Variants in SHANK2 observed in about 807,000 individuals in gnomAD.
SHANK2 encodes the protein SH3 and multiple ankyrin repeat domains 2.
In SHANK2, 43 loss-of-function variants were observed where a neutral mutation model predicts 133.7. The ratio of observed to expected loss-of-function variants is 0.32; its 90% CI spans 0.25 to 0.41. SHANK2 has a LOEUF of 0.41. SHANK2 is among the 10% of genes least tolerant of loss of function. The probability of loss-of-function intolerance (pLI) is 1.00; values close to 1 mark genes in which losing one functional copy is unlikely to be tolerated. For synonymous variants in SHANK2, 1,017 were observed against 952.8 expected (o/e 1.07, Z -1.24); for missense variants, 1,994 against 2,235.8 (o/e 0.89, Z 2.18).
intron 2 of SHANK2, among the ~76,000 whole-genome samples, chr11:71,152,478 G>A (rs1306429802): frequency 6.6e-6 from 1 of 152,196 alleles, no homozygotes; most frequent in Non-Finnish European, 1.5e-5. Flanking sequence ...AGCTGGACCT[G>A]AGTCCAGGAA....
chr11:71,203,955 C>T (rs554834908), intron 2 of SHANK2, among the ~76,000 whole-genome samples: 5 of 152,182 alleles, frequency 3.3e-5, no homozygotes, highest in East Asian at 1.9e-4. Context: ...ACACGGAAAG[C>T]GGGCGCCTGG....
intron 2 of SHANK2, among the ~76,000 whole-genome samples, chr11:71,178,582 T>C (rs1390621110): frequency 6.6e-6 from 1 of 152,226 alleles, no homozygotes; most frequent in African/African-American, 2.4e-5. Context: ...ATGATAGATA[T>C]TATGCTATGC....
chr11:70,678,149 T>C (rs1944941359), intron 15 of SHANK2, among the ~76,000 whole-genome samples: 1 of 152,200 alleles, frequency 6.6e-6, no homozygotes, highest in African/African-American at 2.4e-5. Flanking sequence ...TGTTGTGTTG[T>C]TGTTTGTTTG....
chr11:70,662,100 G>A, intron 15 of SHANK2: 1 of 430,514 alleles, frequency 2.3e-6, no homozygotes, highest in Non-Finnish European at 4.3e-6. Context: ...CCTCCGGCTT[G>A]TCCCGACCAC....
chr11:70,497,035 G>A, intron 21 of SHANK2: 1 of 456,680 alleles, frequency 2.2e-6, no homozygotes, highest in Non-Finnish European at 4.4e-6. Context: ...TTGAACTAGA[G>A]CATGTGAGAG....
At chr11:70,553,215 G>C (rs1361782620) in intron 17 of SHANK2, among the ~76,000 whole-genome samples, 1 of 151,948 alleles carries the variant, frequency 6.6e-6, no homozygotes, top group Non-Finnish European at 1.5e-5. Context: ...TCAGCCTCCT[G>C]AGTAGCTGGG....
At position 70,500,462 on chromosome 11, in the gene SHANK2, A is replaced by C; in HGVS notation, c.2308+108T>G. The C allele has an allele frequency of 6.7e-7, 1 of 1,482,032 alleles. No homozygotes were observed. The highest frequency in any genetic ancestry group is 9.2e-7 in the Non-Finnish European group (1 of 1,084,286). 91.8% of individuals were successfully genotyped at this position (1,482,032 alleles called of 1,614,324 possible). A position where few individuals can be genotyped will look rare whatever the true frequency, so the allele number is the denominator to read the frequency against. ...CGGGCAGGACCCAGCAGGAGAAGCCAACAAGGCTTTGCGACACATTTGAGA... is the reference window on the plus strand; with the variant it reads ...CGGGCAGGACCCAGCAGGAGAAGCCCACAAGGCTTTGCGACACATTTGAGA... On this transcript the variant is annotated intron_variant, in intron 21 of 25. Transcript: ENST00000601538. The surrounding 1 kb of genome is among the most constrained non-coding windows in gnomAD (Gnocchi z 4.5).
intron 14 of SHANK2, among the ~76,000 whole-genome samples, chr11:70,793,530 T>G (rs542552144): frequency 7.2e-5 from 11 of 152,258 alleles, no homozygotes; most frequent in African/African-American, 1.9e-4. Context: ...CCATTAAAAA[T>G]GAACCAAAGA....
rs1210176358 is a variant in SHANK2, at chr11:71,146,174, G to T, written c.207+946C>A. Among the ~76,000 whole-genome samples the T allele has an allele frequency of 1.2e-4, 19 of 152,150 alleles. 1 individual carries two copies. Among genetic ancestry groups the T allele is most frequent in the Non-Finnish European group, 2.5e-4 (17 of 68,038 alleles). ...TTTGCAACCATTATGTCTGCTCCACGCTTCCAGCTCTGTCCCACATCTCCG... is the reference window on the plus strand; with the variant it reads ...TTTGCAACCATTATGTCTGCTCCACTCTTCCAGCTCTGTCCCACATCTCCG... On this transcript the variant is annotated intron_variant, in intron 3 of 25. Transcript: ENST00000601538.
intron 15 of SHANK2, among the ~76,000 whole-genome samples, chr11:70,694,782 C>T (rs1555021857): frequency 6.6e-6 from 1 of 152,184 alleles, no homozygotes; most frequent in African/African-American, 2.4e-5. Context: ...AAGACCTACT[C>T]ATCTCTGTCC....
Position 70,487,003 on chromosome 11 carries a change from C to T in SHANK2, c.3290G>A (p.Arg1097Lys), listed in dbSNP as rs782789011. 2.2e-5 allele frequency: 35 copies of T among 1,610,720 alleles called. No homozygotes were observed. The highest frequency in any genetic ancestry group is 8.3e-5 in the Admixed American group (5 of 60,002). Residue 1097 changes from arginine (R) to lysine (K), a missense_variant, in exon 25 of 26, where the codon AGG (arginine) becomes AAG (lysine). Around this residue, in one of 5 missense-constraint regions of SHANK2, gnomAD observed 488 missense variants for 642.6 expected, o/e 0.76. Transcript: ENST00000601538. This position sits in a 1 kb window ranked among gnomAD's most constrained non-coding sequence, Gnocchi z 5.8. Reference sequence around the variant, plus strand: ...TGTGGAGAGGAAGGCCGGGGAGTTCCTCCTGGCTTCCAGCCGCTTCTCACG... The same window carrying T: ...TGTGGAGAGGAAGGCCGGGGAGTTCTTCCTGGCTTCCAGCCGCTTCTCACG... ...RDREKRLEAR[R>K]NSPAFLSTDL... is the part of the protein sequence containing the mutation.
chr11:70,556,354 G>C (rs1332074361), intron 17 of SHANK2, among the ~76,000 whole-genome samples: 1 of 152,080 alleles, frequency 6.6e-6, no homozygotes, highest in Non-Finnish European at 1.5e-5. Context: ...TTAACGTGCA[G>C]CCTGATCACA....
intron 14 of SHANK2, among the ~76,000 whole-genome samples, chr11:70,707,387 A>AT (rs1485322381): frequency 2.7e-5 from 4 of 150,454 alleles, no homozygotes; most frequent in African/African-American, 9.8e-5. Flanking sequence ...AAAAAAAAAA[A>AT]AAAAAAAAAA....
chr11:70,730,551 C>T (rs1312320297), intron 14 of SHANK2, among the ~76,000 whole-genome samples: 1 of 152,206 alleles, frequency 6.6e-6, no homozygotes, highest in African/African-American at 2.4e-5. Context: ...TCTCCCAGCC[C>T]TTCCAGCACT....
At chr11:70,735,296 C>T (rs1233518402) in intron 14 of SHANK2, among the ~76,000 whole-genome samples, 7 of 152,264 alleles carry the variant, frequency 4.6e-5, no homozygotes, top group South Asian at 4.2e-4. Context: ...CCTGGCTTCC[C>T]GAGAGATCCT....
intron 14 of SHANK2, among the ~76,000 whole-genome samples, chr11:70,754,517 CA>C (rs1430900233): frequency 3.3e-5 from 5 of 152,188 alleles, no homozygotes; most frequent in African/African-American, 9.7e-5. Context: ...ATAATCATAG[CA>C]ACTGGTGCAG....
At chr11:71,105,140 C>G (rs954364662) in intron 6 of SHANK2, among the ~76,000 whole-genome samples, 1 of 152,152 alleles carries the variant, frequency 6.6e-6, no homozygotes, top group African/African-American at 2.4e-5. Flanking sequence ...GGAACATTAT[C>G]CAGCACCAAA....
chr11:71,170,962 T>C (rs1953301732), intron 2 of SHANK2, among the ~76,000 whole-genome samples: 2 of 152,238 alleles, frequency 1.3e-5, no homozygotes, highest in Admixed American at 1.3e-4. Flanking sequence ...AGCAGAAATG[T>C]GTGTGTGCTC....
Position 70,569,888 on chromosome 11 carries a change from G to A in SHANK2, c.2062-66957C>T, listed in dbSNP as rs1227195331. On this transcript the variant is annotated intron_variant, in intron 17 of 25. Transcript: ENST00000601538. The surrounding 1 kb of genome is among the most constrained non-coding windows in gnomAD (Gnocchi z 5.1). Reference sequence around the variant, plus strand: ...GAGGTCAGTACGAGGAGACGGGGACGACGGTACAGAGCAAGACAGAGACAC... The same window carrying A: ...GAGGTCAGTACGAGGAGACGGGGACAACGGTACAGAGCAAGACAGAGACAC... Among the ~76,000 whole-genome samples, 1 of 151,986 alleles carries A rather than the reference G, an allele frequency of 6.6e-6. No homozygotes were observed. The highest frequency in any genetic ancestry group is 1.5e-5 in the Non-Finnish European group (1 of 68,016).
Sources: allele counts gnomAD v4.1 joint callset (sites outside exome capture counted in the v4.1 genomes callset), GRCh38; gene constraint gnomAD v4.1.1; regional missense constraint gnomAD v4.1.1; non-coding constraint Gnocchi (gnomAD v3.1); transcripts MANE v1.5; gene names NCBI Gene and HGNC (gene_info 2026-07-23, HGNC 2026-07-21).